The following HSPG2 variants were observed in gnomAD, a reference collection of about 807,000 sequenced individuals.
The protein encoded by HSPG2 is heparan sulfate proteoglycan 2.
A neutral mutation model predicts 526.6 loss-of-function variants in HSPG2; 278 were observed. The observed-to-expected ratio is 0.53, with a 90% CI of 0.48 to 0.58. The LOEUF is 0.58. Among genes scored for constraint, HSPG2 ranks in the 20% least tolerant of loss-of-function variants. The pLI is 0.00. For synonymous variants in HSPG2, 2,465 were observed against 2,555.4 expected, an observed-to-expected ratio of 0.96 and a Z score of 1.07; for missense variants, 5,354 against 6,099.5, an observed-to-expected ratio of 0.88 and a Z score of 4.07.
At position 21,847,489 on chromosome 1, in the gene HSPG2, G is replaced by C. The variant is rs2152713146; in HGVS notation, c.8029C>G (p.His2677Asp). 1 of 1,613,778 alleles carries C rather than the reference G, an allele frequency of 6.2e-7. No homozygotes were observed. The change falls in exon 62 of 97, where the codon CAT (histidine) becomes GAT (aspartate). Residue 2677 changes from histidine (H) to aspartate (D), a missense_variant. His to Asp is a moderately conservative substitution (Grantham distance 81). Transcript: ENST00000374695. This position sits in a 1 kb window ranked among gnomAD's most constrained non-coding sequence, Gnocchi z 4.1. ...GGSLPSRHQTHGSHLRLHQMS... is the reference protein window; with the variant it reads ...GGSLPSRHQTDGSHLRLHQMS... ...TGGTGCAACCGCAGGTGGGAGCCAT[G>C]GGTCTGGACGTGCGGATGGGGAAGG...
chr1:21,906,153 C>T (rs2152782644), intron 1 of HSPG2, among the ~76,000 whole-genome samples: 1 of 152,334 alleles, frequency 6.6e-6, no homozygotes, highest in South Asian at 2.1e-4. Flanking sequence ...GGAAGGAACT[C>T]CATACCACCT....
rs1056086917 is a variant in HSPG2 at position 21,864,517 on chromosome 1, G to A, written c.4627-304C>T. ...CATGAACTGGGTTTTAACCCCCGGA[G>A]AGTGTGGCCCAAACGTGAGGCTGCA... On this transcript the variant is annotated intron_variant, in intron 36 of 96. Transcript: ENST00000374695. This position sits in a 1 kb window ranked among gnomAD's most constrained non-coding sequence, Gnocchi z 4.8. 6.6e-6 allele frequency among the ~76,000 whole-genome samples: 1 copy of A among 152,278 alleles called. No homozygotes were observed. Among genetic ancestry groups the A allele is most frequent in the South Asian group, 2.1e-4 (1 of 4,830 alleles).
intron 95 of HSPG2, 64 bp from the exon 96 acceptor site, chr1:21,823,783 G>C (rs991900058): frequency 5.6e-6 from 7 of 1,261,156 alleles, no homozygotes; most frequent in Non-Finnish European, 4.6e-6. Context: ...CCCCACGACA[G>C]AGTCCCCTCC....
intron 1 of HSPG2, among the ~76,000 whole-genome samples, chr1:21,915,234 C>A (rs1284551294): frequency 6.6e-6 from 1 of 152,134 alleles, no homozygotes; most frequent in African/African-American, 2.4e-5. Context: ...CTCTACACCG[C>A]TAAGGGGCCC....
intron 91 of HSPG2, among the ~76,000 whole-genome samples, chr1:21,827,329 T>C (rs11586269): frequency 0.11 from 17,372 of 152,192 alleles, 1,539 homozygotes; most frequent in African/African-American, 0.25. Context: ...CACCCAAAGT[T>C]CCACAGCTAG....
At position 21,839,438 on chromosome 1, in the gene HSPG2, G is replaced by A; in HGVS notation, c.9822C>T (p.Gly3274=). 1.2e-6 allele frequency: 2 copies of A among 1,614,058 alleles called. No homozygotes were observed. Among genetic ancestry groups the A allele is most frequent in the Non-Finnish European group, 1.7e-6 (2 of 1,179,996 alleles). The change falls in exon 73 of 97, where the codon GGC becomes GGT. Residue 3274 remains glycine, a synonymous_variant. Transcript: ENST00000374695. The surrounding 1 kb of genome is among the most constrained non-coding windows in gnomAD (Gnocchi z 4.5). The stretch of plus-strand genomic sequence containing the variant: ...GGCTAGTGGCATTGCAGATGTACTG[G>A]CCCGAGTCCTGCTGGGCTACCCGGG... ...IIPRVAQQDS[G]QYICNATSPA...
rs776133711 is a variant in HSPG2, at chr1:21,855,611, A to G, written c.5766T>C (p.Ala1922=). The change falls in exon 46 of 97, where the codon GCT becomes GCC. Residue 1922 remains alanine (A), a synonymous_variant. Transcript: ENST00000374695. ...ACTGGGCCTGATCCGTGGGCTCGAC[A>G]GCTGGCAGGCGCAGGATGCCGCCGT... ...QIHGGILRLP[A]VEPTDQAQYL... 1 of 1,581,408 alleles carries G rather than the reference A, an allele frequency of 6.3e-7. No individual in the cohort carries two copies. The highest frequency in any genetic ancestry group is 8.6e-7 in the Non-Finnish European group (1 of 1,166,308).
At chr1:21,896,362 C>T (rs1246266890) in intron 1 of HSPG2, 52 bp from the exon 2 acceptor site, 2 of 1,602,710 alleles carry the variant, frequency 1.2e-6, no homozygotes, top group Admixed American at 1.7e-5. Context: ...CCCACTGAGC[C>T]CCACGGTCCT....
Position 21,855,455 on chromosome 1 carries a change from A to G in HSPG2, c.5855-9T>C. On this transcript the variant is annotated splice_polypyrimidine_tract_variant and intron_variant, in intron 46 of 96. Coordinates refer to ENST00000374695, the MANE Select transcript of HSPG2 (RefSeq NM_005529.7). ...TCTGGGCCCACCGCCCCCTGCAGAC[A>G]GAGTCCTGTGAGAACACGCCCTGGG... 1.2e-6 allele frequency: 2 copies of G among 1,613,034 alleles called. No individual in the cohort carries two copies. Among genetic ancestry groups the G allele is most frequent in the Non-Finnish European group, 1.7e-6 (2 of 1,179,862 alleles).
chr1:21,889,727 C>T (rs1352009938), intron 6 of HSPG2: 3 of 547,788 alleles, frequency 5.5e-6, no homozygotes, highest in Non-Finnish European at 1.0e-5. Flanking sequence ...AAATAAAGGC[C>T]TGATTACCTA....
At chr1:21,832,711 C>T (rs1274155647) in intron 80 of HSPG2, 105 bp from the exon 81 acceptor site, 2 of 790,416 alleles carry the variant, frequency 2.5e-6, no homozygotes, top group South Asian at 1.5e-5. Context: ...ACTCTCGGAA[C>T]CTGTCCCTCC....
In HSPG2 at chr1:21,875,858, C is replaced by T; in HGVS notation, c.3183+5G>A. 6.2e-7 allele frequency: 1 copy of T among 1,613,884 alleles called. No homozygotes were observed. The highest frequency in any genetic ancestry group is 8.5e-7 in the Non-Finnish European group (1 of 1,180,000). ...CCCCTACCCCCAGGGGACAGTATTG[C>T]TCACCTCCCGGAAAGGCACAATGAA... On this transcript the variant is annotated splice_donor_5th_base_variant and intron_variant, in intron 24 of 96. Transcript: ENST00000374695.
At chr1:21,908,028 A>T in intron 1 of HSPG2, 1 of 705,778 alleles carries the variant, frequency 1.4e-6, no homozygotes, top group Non-Finnish European at 2.6e-6. Context: ...ATAACACAGC[A>T]CATGGTGAAT....
intron 3 of HSPG2, among the ~76,000 whole-genome samples, chr1:21,892,817 C>T (rs1426028733): frequency 7.2e-6 from 1 of 138,880 alleles, no homozygotes; most frequent in Admixed American, 7.9e-5. Context: ...GAGATTGTGC[C>T]ACTGTACTGC....
Position 21,824,523 on chromosome 1 carries a change from A to AT in HSPG2, c.12744+13dup, listed in dbSNP as rs1196032065. On this transcript the variant is annotated intron_variant, in intron 93 of 96. Transcript: ENST00000374695. This position sits in a 1 kb window ranked among gnomAD's most constrained non-coding sequence, Gnocchi z 5.9. ...CCAGGAGCCCCAAGAGCCCAGCCGG[A>AT]TACCCACACTCACCACACCCTGCCA... 6 of 1,612,882 alleles carry AT rather than the reference A, an allele frequency of 3.7e-6. No individual in the cohort carries two copies. The highest frequency in any genetic ancestry group is 5.1e-6 in the Non-Finnish European group (6 of 1,179,858).
intron 91 of HSPG2, among the ~76,000 whole-genome samples, chr1:21,827,513 C>G (rs1355758752): frequency 1.3e-5 from 2 of 152,200 alleles, no homozygotes; most frequent in African/African-American, 4.8e-5. Context: ...TCACTGTTTC[C>G]TTAGCTTTTC....
Position 21,857,080 on chromosome 1 carries a change from G to A in HSPG2, c.5510C>T (p.Thr1837Ile). ...IRNVQLSDAG[T>I]YVCTGSNMFA... ...CATGTTGGAGCCGGTGCACACGTAG[G>A]TGCCTGCATCACTCAGCTGGACGTT... Residue 1837 changes from threonine to isoleucine, a missense_variant, in exon 44 of 97, where the codon ACC becomes ATC. Thr to Ile is a moderately conservative substitution (Grantham distance 89). Coordinates refer to ENST00000374695, the MANE Select transcript of HSPG2 (RefSeq NM_005529.7). 1 of 1,614,124 alleles carries A rather than the reference G, an allele frequency of 6.2e-7. No homozygotes were observed. The highest frequency in any genetic ancestry group is 8.5e-7 in the Non-Finnish European group (1 of 1,180,038).
Position 21,887,778 on chromosome 1 carries a change from C to G in HSPG2, c.704-104G>C. On this transcript the variant is annotated intron_variant, in intron 7 of 96. Coordinates refer to ENST00000374695, the MANE Select transcript of HSPG2 (RefSeq NM_005529.7). The surrounding 1 kb of genome is among the most constrained non-coding windows in gnomAD (Gnocchi z 5.0). Reference sequence around the variant, plus strand: ...CCACCCTGTACTCCCCAACACCACTCCCTGCCACCCCCTGCCTGGCTCTGT... The same window carrying G: ...CCACCCTGTACTCCCCAACACCACTGCCTGCCACCCCCTGCCTGGCTCTGT... 1 of 1,533,848 alleles carries G rather than the reference C, an allele frequency of 6.5e-7. No homozygotes were observed.
chr1:21,827,207 TA>T (rs986672435), intron 91 of HSPG2, among the ~76,000 whole-genome samples: 7 of 150,996 alleles, frequency 4.6e-5, no homozygotes, highest in African/African-American at 1.2e-4. Flanking sequence ...GACTCCACCT[TA>T]AAAAAAAATG....
Sources: allele counts gnomAD v4.1 joint callset (sites outside exome capture counted in the v4.1 genomes callset), GRCh38; gene constraint gnomAD v4.1.1; non-coding constraint Gnocchi (gnomAD v3.1); transcripts MANE v1.5; gene names NCBI Gene and HGNC (gene_info 2026-07-23, HGNC 2026-07-21).